Variants in TM7SF3 observed in about 807,000 individuals in gnomAD.
TM7SF3 encodes seven span transmembrane protein.
A neutral mutation model predicts 65.5 loss-of-function variants in TM7SF3; 60 were observed. The ratio of observed to expected loss-of-function variants is 0.92; its 90% CI spans 0.74 to 1.14. TM7SF3 has a LOEUF of 1.14. Among genes scored for constraint, TM7SF3 ranks in the 50% most tolerant of loss-of-function variants. The pLI is 0.00. For synonymous variants in TM7SF3, 264 were observed against 259.6 expected (o/e 1.02, Z -0.16); for missense variants, 623 against 684.8 (o/e 0.91, Z 1.01).
At chr12:27,010,707 T>A (rs564050125) in intron 1 of TM7SF3, among the ~76,000 whole-genome samples, 1 of 152,318 alleles carries the variant, frequency 6.6e-6, no homozygotes, top group East Asian at 1.9e-4. Flanking sequence ...ATGGCTAACA[T>A]CAAGTTGGGG....
At chr12:26,979,082 G>T (rs1939694914) in intron 9 of TM7SF3, 1 of 152,198 alleles carries the variant, frequency 6.6e-6, no homozygotes, top group Admixed American at 6.6e-5. Flanking sequence ...ATTCTCTATA[G>T]AGTTGACAGC....
chr12:26,984,352 C>A (rs1272109558), intron 6 of TM7SF3, among the ~76,000 whole-genome samples: 1 of 151,850 alleles, frequency 6.6e-6, no homozygotes, highest in Non-Finnish European at 1.5e-5. Flanking sequence ...TTGCTTGAAC[C>A]CAGGAAGCAG....
At chr12:27,005,060 A>T (rs1372277885) in intron 1 of TM7SF3, among the ~76,000 whole-genome samples, 3 of 152,216 alleles carry the variant, frequency 2.0e-5, no homozygotes, top group Non-Finnish European at 4.4e-5. Context: ...CATTATCATG[A>T]TTATTTTATT....
chr12:26,986,370 C>T (rs905022322), intron 6 of TM7SF3, among the ~76,000 whole-genome samples: 2 of 152,048 alleles, frequency 1.3e-5, no homozygotes, highest in African/African-American at 2.4e-5. Flanking sequence ...AGACAGAATG[C>T]CCCCTTGCCC....
chr12:27,013,969 G>A (rs1437073852), intron 1 of TM7SF3, 109 bp downstream of exon 1: 4 of 913,870 alleles, frequency 4.4e-6, no homozygotes, highest in Non-Finnish European at 7.1e-6. Flanking sequence ...GTGTACCAAC[G>A]CCCCCAGCAC....
At chr12:27,001,688 T>G (rs1287703516) in intron 2 of TM7SF3, among the ~76,000 whole-genome samples, 1 of 152,202 alleles carries the variant, frequency 6.6e-6, no homozygotes, top group Non-Finnish European at 1.5e-5. Context: ...ACACTGTTTG[T>G]CAATTAAAAA....
rs74812888 is a variant in TM7SF3, at chr12:27,004,741, A to G, written c.92-1351T>C. On this transcript the variant is annotated intron_variant, in intron 1 of 11. Coordinates refer to ENST00000343028, the MANE Select transcript of TM7SF3 (RefSeq NM_016551.3). ...TTTTCCCTAAGCTCTGTGATGCTACATTACATTCATAACTTAATGTTTTTT... is the reference window on the plus strand; with the variant it reads ...TTTTCCCTAAGCTCTGTGATGCTACGTTACATTCATAACTTAATGTTTTTT... Among the ~76,000 whole-genome samples, 287 of 152,326 alleles carry G rather than the reference A, an allele frequency of 1.9e-3. 1 individual carries two copies. The highest frequency in any genetic ancestry group is 6.8e-3 in the African/African-American group (282 of 41,574).
chr12:27,014,015 T>C, intron 1 of TM7SF3, 63 bp downstream of exon 1: 1 of 1,417,132 alleles, frequency 7.1e-7, no homozygotes, highest in Non-Finnish European at 9.8e-7. Flanking sequence ...CCTGGCGGAT[T>C]TTGACCTCGC....
intron 9 of TM7SF3, 163 bp downstream of exon 9, chr12:26,979,621 T>A: frequency 2.9e-6 from 2 of 700,934 alleles, no homozygotes; most frequent in Non-Finnish European, 4.7e-6. Flanking sequence ...GAGGGACTTT[T>A]ACTAGTCCTG....
At chr12:26,982,447 G>T (rs1467910605) in intron 7 of TM7SF3, among the ~76,000 whole-genome samples, 1 of 152,144 alleles carries the variant, frequency 6.6e-6, no homozygotes, top group Non-Finnish European at 1.5e-5. Context: ...AAAGTGCTGG[G>T]ATTACAGGCA....
chr12:26,999,782 A>AT, intron 2 of TM7SF3, 106 bp from the exon 3 acceptor site: 1 of 1,196,156 alleles, frequency 8.4e-7, no homozygotes. Context: ...CAAAACAAAT[A>AT]GAAAAAAAAA....
intron 6 of TM7SF3, 69 bp from the exon 7 acceptor site, chr12:26,982,928 G>A (rs775606459): frequency 8.0e-5 from 90 of 1,131,602 alleles, no homozygotes; most frequent in Admixed American, 1.2e-4. Flanking sequence ...TTTATAGAAC[G>A]AACCTTCATC....
chr12:26,985,462 T>TA (rs1426508169), intron 6 of TM7SF3, among the ~76,000 whole-genome samples: 3 of 151,126 alleles, frequency 2.0e-5, no homozygotes, highest in African/African-American at 7.3e-5. Flanking sequence ...AGGTCTCTAC[T>TA]AAAAATACAA....
At chr12:26,997,399 C>A (rs1199714097) in intron 3 of TM7SF3, among the ~76,000 whole-genome samples, 1 of 151,932 alleles carries the variant, frequency 6.6e-6, no homozygotes, top group Admixed American at 6.6e-5. Context: ...ATTCTATGCT[C>A]TTCTTTCATA....
chr12:26,984,032 A>G (rs919407849), intron 6 of TM7SF3, among the ~76,000 whole-genome samples: 3 of 152,248 alleles, frequency 2.0e-5, no homozygotes, highest in Non-Finnish European at 4.4e-5. Flanking sequence ...TGGAGAAACC[A>G]TGAAGACATA....
rs1327879322 is a variant in TM7SF3, at chr12:26,973,226, A to G, written c.*739T>C. ...ACAGGGTCTCTGTCACCCAAGCTGG[A>G]GTGCAGTGACACAATCAAGGCTCAC... On this transcript the variant is annotated 3_prime_UTR_variant, in exon 12 of 12. Coordinates refer to ENST00000343028, the MANE Select transcript of TM7SF3 (RefSeq NM_016551.3). 6.6e-6 allele frequency: 1 copy of G among 151,054 alleles called. No individual in the cohort carries two copies. The highest frequency in any genetic ancestry group is 1.5e-5 in the Non-Finnish European group (1 of 67,906). 9.4% of individuals were successfully genotyped at this position (151,054 alleles called of 1,614,324 possible).
At chr12:26,988,453 T>C (rs986883660) in intron 6 of TM7SF3, among the ~76,000 whole-genome samples, 2 of 152,104 alleles carry the variant, frequency 1.3e-5, no homozygotes, top group Non-Finnish European at 2.9e-5. Context: ...CGTGAGACAC[T>C]GCACCCAGCC....
At chr12:27,013,449 G>A (rs1211007459) in intron 1 of TM7SF3, among the ~76,000 whole-genome samples, 2 of 152,096 alleles carry the variant, frequency 1.3e-5, no homozygotes, top group Non-Finnish European at 2.9e-5. Flanking sequence ...AGAATTGAGG[G>A]TATACACATT....
chr12:27,014,352 A>G lies in TM7SF3; in HGVS notation c.-184T>C, dbSNP rs2136469760. The G allele has an allele frequency of 2.7e-6, 1 of 370,562 alleles. No individual in the cohort carries two copies. The highest frequency in any genetic ancestry group is 1.1e-4 in the South Asian group (1 of 8,934). The allele number at this position is 370,562 out of a possible 1,614,324, so 23.0% of individuals were successfully genotyped here. On this transcript the variant is annotated 5_prime_UTR_variant, in exon 1 of 12. Transcript: ENST00000343028. ...CCGGCGCGCGCCCCGCCGAACTCCTAGCCCCAGCGAGAGGTTTCCTCTTCC... is the reference window on the plus strand; with the variant it reads ...CCGGCGCGCGCCCCGCCGAACTCCTGGCCCCAGCGAGAGGTTTCCTCTTCC...
Sources: gnomAD v4.1 joint callset for allele counts (sites outside exome capture counted in the v4.1 genomes callset) on GRCh38, gnomAD v4.1.1 for gene constraint, MANE v1.5 for transcripts, NCBI Gene and HGNC (gene_info 2026-07-23, HGNC 2026-07-21) for gene names.